The following STXBP5L variants were observed in gnomAD, a reference collection of about 807,000 sequenced individuals.
The protein encoded by STXBP5L is syntaxin-binding protein 5-like.
Under a neutral mutation model 144.5 loss-of-function variants are expected in STXBP5L, and 65 were observed. The observed-to-expected ratio is 0.45, with a 90% CI of 0.37 to 0.55. The LOEUF is 0.55. STXBP5L is among the 20% of genes least tolerant of loss of function. STXBP5L has a pLI of 0.00. For missense variants in STXBP5L, 1,298 were observed against 1,405.5 expected, an observed-to-expected ratio of 0.92 and a Z score of 1.22; for synonymous variants, 505 against 469.6, an observed-to-expected ratio of 1.08 and a Z score of -0.97.
chr3:120,920,464 C>T (rs150141289), intron 2 of STXBP5L, among the ~76,000 whole-genome samples: 2 of 151,632 alleles, frequency 1.3e-5, no homozygotes, highest in Admixed American at 6.6e-5. Context: ...TTGGGATATA[C>T]GTCACCTTAA....
chr3:121,197,104 C>G (rs934338717), intron 9 of STXBP5L, among the ~76,000 whole-genome samples: 1 of 152,060 alleles, frequency 6.6e-6, no homozygotes, highest in African/African-American at 2.4e-5. Context: ...ATCTTCGTTT[C>G]ATTCTTCACA....
chr3:121,032,461 A>G (rs914304500), intron 3 of STXBP5L, among the ~76,000 whole-genome samples: 3 of 152,106 alleles, frequency 2.0e-5, no homozygotes, highest in African/African-American at 7.2e-5. Flanking sequence ...TGTTTTTCAT[A>G]AAAACCCTAG....
intron 3 of STXBP5L, among the ~76,000 whole-genome samples, chr3:120,967,645 G>T (rs912849592): frequency 4.0e-5 from 6 of 151,862 alleles, no homozygotes; most frequent in Non-Finnish European, 2.9e-5. Flanking sequence ...CTAATTTTGG[G>T]TTTGAATTTT....
chr3:121,298,718 A>G (rs1423820692), intron 19 of STXBP5L, among the ~76,000 whole-genome samples: 2 of 152,324 alleles, frequency 1.3e-5, no homozygotes, highest in East Asian at 3.9e-4. Context: ...TCAAACTCAC[A>G]GAAGCAGAAA....
chr3:121,385,760 C>T (rs1012465199), intron 22 of STXBP5L, among the ~76,000 whole-genome samples: 5 of 152,124 alleles, frequency 3.3e-5, no homozygotes, highest in African/African-American at 4.8e-5. Context: ...ACCCTGTCTA[C>T]TCTAGAGTTG....
At chr3:121,077,388 C>G (rs924756027) in intron 5 of STXBP5L, among the ~76,000 whole-genome samples, 4 of 151,940 alleles carry the variant, frequency 2.6e-5, no homozygotes, top group Non-Finnish European at 5.9e-5. Flanking sequence ...GGAGTTTGTT[C>G]CTTCTGATGT....
intron 3 of STXBP5L, among the ~76,000 whole-genome samples, chr3:120,976,321 T>A (rs1212548282): frequency 1.3e-5 from 2 of 152,204 alleles, no homozygotes; most frequent in Non-Finnish European, 2.9e-5. Flanking sequence ...GATTTTCTAG[T>A]TTATTTGTGT....
chr3:120,952,732 A>G lies in STXBP5L; in HGVS notation c.190-2208A>G, dbSNP rs986507631. 2.0e-5 allele frequency among the ~76,000 whole-genome samples: 3 copies of G among 152,240 alleles called. No homozygotes were observed. In the South Asian group the frequency reaches 6.2e-4, roughly 32 times the overall value. On this transcript the variant is annotated intron_variant, in intron 2 of 26. Transcript: ENST00000471454. ...TTGATGGATGCTTGATCATGCAACT[A>G]TATAAAGTACCCATGCCCTTATCAA... is the stretch of plus-strand genomic sequence containing the variant.
chr3:121,321,879 G>A (rs565948842), intron 20 of STXBP5L, among the ~76,000 whole-genome samples: 3 of 152,034 alleles, frequency 2.0e-5, no homozygotes, highest in Non-Finnish European at 2.9e-5. Context: ...AGATTCAGGG[G>A]TTACAAGTGG....
At chr3:121,268,348 T>C (rs1442152707) in intron 18 of STXBP5L, among the ~76,000 whole-genome samples, 1 of 152,060 alleles carries the variant, frequency 6.6e-6, no homozygotes, top group Non-Finnish European at 1.5e-5. Context: ...AAGTGGGAGC[T>C]GAGCAATGAG....
At chr3:121,111,921 G>C (rs924193109) in intron 5 of STXBP5L, among the ~76,000 whole-genome samples, 1 of 152,112 alleles carries the variant, frequency 6.6e-6, no homozygotes, top group Non-Finnish European at 1.5e-5. Flanking sequence ...TAAATCCCTA[G>C]CTGGAGTTTC....
chr3:120,966,142 G>A (rs938429812), intron 3 of STXBP5L, among the ~76,000 whole-genome samples: 4 of 152,094 alleles, frequency 2.6e-5, no homozygotes, highest in African/African-American at 9.7e-5. Context: ...GTCATTTAAG[G>A]TCTTCTATAC....
At chr3:120,926,022 G>A (rs890250653) in intron 2 of STXBP5L, among the ~76,000 whole-genome samples, 2 of 151,982 alleles carry the variant, frequency 1.3e-5, no homozygotes, top group South Asian at 2.1e-4. Flanking sequence ...ATCTCTTAAC[G>A]GATTGCTGTG....
chr3:121,087,624 T>C (rs925957616), intron 5 of STXBP5L, among the ~76,000 whole-genome samples: 4 of 152,170 alleles, frequency 2.6e-5, no homozygotes, highest in East Asian at 1.9e-4. Flanking sequence ...TTTAATTCAT[T>C]CTGTCAGTCT....
chr3:121,253,413 G>A (rs1169557436), intron 15 of STXBP5L, among the ~76,000 whole-genome samples: 1 of 150,192 alleles, frequency 6.7e-6, no homozygotes, highest in Non-Finnish European at 1.5e-5. Flanking sequence ...TTTTTCTTAC[G>A]CATTTGAGAG....
At chr3:121,271,669 G>A (rs1217843973) in intron 18 of STXBP5L, among the ~76,000 whole-genome samples, 1 of 152,050 alleles carries the variant, frequency 6.6e-6, no homozygotes, top group Non-Finnish European at 1.5e-5. Context: ...TCTTGCTTTT[G>A]GATTCTTCTA....
At chr3:121,367,790 C>CTTTTTTTTTTTTTTTTTTTTTTT (rs200992044) in intron 20 of STXBP5L, among the ~76,000 whole-genome samples, 1 of 106,304 alleles carries the variant, frequency 9.4e-6, no homozygotes, top group Non-Finnish European at 1.8e-5. Context: ...TTTGCTTTTC[C>CTTTTTTTTTTTTTTTTTTTTTTT]TTTTTTTTTT....
rs1037358265 is a variant in STXBP5L, at chr3:121,028,127, G to A, written c.288-13573G>A. On this transcript the variant is annotated intron_variant, in intron 3 of 26. Transcript: ENST00000471454. ...TAATACAAGTATGTATTCAAAAATT[G>A]TATCTAAATTAATAGAAACATTAGA... 1.1e-3 allele frequency among the ~76,000 whole-genome samples: 174 copies of A among 151,988 alleles called. 1 individual carries two copies. The highest frequency in any genetic ancestry group is 0.011 in the Admixed American group (173 of 15,222).
intron 18 of STXBP5L, among the ~76,000 whole-genome samples, chr3:121,276,958 G>A (rs1003314899): frequency 6.6e-6 from 1 of 151,786 alleles, no homozygotes; most frequent in Admixed American, 6.6e-5. Context: ...CTTCCTTTAT[G>A]AAACTCCAAT....
Sources: allele counts gnomAD v4.1 joint callset (sites outside exome capture counted in the v4.1 genomes callset), GRCh38; gene constraint gnomAD v4.1.1; transcripts MANE v1.5; gene names NCBI Gene and HGNC (gene_info 2026-07-23, HGNC 2026-07-21).